Variants in BMX observed in about 807,000 individuals in gnomAD.
The protein encoded by BMX is cytoplasmic tyrosine-protein kinase BMX.
BMX carries 31 observed loss-of-function variants against 59.2 expected under a neutral mutation model. The observed-to-expected ratio is 0.52, with a 90% CI of 0.39 to 0.71. The LOEUF (loss-of-function observed/expected upper bound fraction) is 0.71. Among genes scored for constraint, BMX ranks in the 30% least tolerant of loss-of-function variants. The pLI, the probability that BMX is intolerant of heterozygous loss-of-function variation, is 0.00. For missense variants in BMX, 474 were observed against 491.7 expected, an observed-to-expected ratio of 0.96 and a Z score of 0.34; for synonymous variants, 185 against 181.0, an observed-to-expected ratio of 1.02 and a Z score of -0.18.
At chrX:15,531,583 C>T (rs1228329299) in intron 11 of BMX, among the ~76,000 whole-genome samples, 176 bp downstream of exon 11, 1 of 111,456 alleles carries the variant, frequency 9.0e-6, no homozygotes, top group African/African-American at 3.3e-5. Context: ...CCCACTGCCC[C>T]ACCATCCTTG....
intron 15 of BMX, among the ~76,000 whole-genome samples, chrX:15,542,714 G>A (rs1925753794): frequency 8.9e-6 from 1 of 111,999 alleles, no homozygotes; most frequent in Non-Finnish European, 1.9e-5. Flanking sequence ...TGTTCCCTAA[G>A]TCACAGGTGC....
intron 1 of BMX, among the ~76,000 whole-genome samples, chrX:15,504,413 T>A (rs1355162578): frequency 9.0e-6 from 1 of 111,602 alleles, no homozygotes; most frequent in Admixed American, 9.6e-5. Flanking sequence ...TGTAACCTCC[T>A]CCATGCCTTC....
At chrX:15,541,765 G>C (rs909594488) in intron 14 of BMX, among the ~76,000 whole-genome samples, 2 of 111,205 alleles carry the variant, frequency 1.8e-5, no homozygotes, top group African/African-American at 6.5e-5. Context: ...TGCTGCTGAA[G>C]TCACCAATGT....
intron 11 of BMX, among the ~76,000 whole-genome samples, chrX:15,533,165 T>G (rs771354078): frequency 2.7e-4 from 30 of 112,375 alleles, no homozygotes; most frequent in African/African-American, 9.7e-4. Flanking sequence ...TTTTACTCGG[T>G]TGATGTTACA....
At chrX:15,509,215 C>T in intron 2 of BMX, 114 bp from the exon 3 acceptor site, 3 of 110,492 alleles carry the variant, frequency 2.7e-5, no homozygotes, top group Non-Finnish European at 4.0e-5. Flanking sequence ...AGTGACTCTC[C>T]ATTGCCCACC....
intron 4 of BMX, among the ~76,000 whole-genome samples, chrX:15,512,251 G>A (rs977915320): frequency 8.9e-6 from 1 of 111,931 alleles, no homozygotes; most frequent in African/African-American, 3.2e-5. Context: ...ATTTCCCTCT[G>A]TGATATTTTC....
rs781394634 is a variant in BMX, at chrX:15,508,506, G to A, written c.138+15G>A. ...ATGACAAAATGGTGAGACATCATGT[G>A]TTCCATTATTTTTATACTATTTATT... On this transcript the variant is annotated intron_variant, in intron 2 of 18. Coordinates refer to ENST00000348343, the MANE Select transcript of BMX (RefSeq NM_203281.3). The A allele has an allele frequency of 8.8e-7, 1 of 1,139,285 alleles. No homozygotes were observed. Among genetic ancestry groups the A allele is most frequent in the East Asian group, 3.1e-5 (1 of 32,013 alleles). 93.9% of individuals were successfully genotyped at this position (1,139,285 alleles called of 1,213,427 possible).
intron 4 of BMX, among the ~76,000 whole-genome samples, chrX:15,512,896 T>A: frequency 9.0e-6 from 1 of 111,707 alleles, no homozygotes; most frequent in Non-Finnish European, 1.9e-5. Context: ...GTACAGCTCT[T>A]GGTCATGCCC....
chrX:15,524,212 C>A lies in BMX; in HGVS notation c.753-1076C>A, dbSNP rs192471926. Among the ~76,000 whole-genome samples the A allele has an allele frequency of 4.5e-5, 5 of 112,169 alleles. No homozygotes were observed. The Admixed American group carries it at 4.7e-4, about 11-fold the overall frequency. On this transcript the variant is annotated intron_variant, in intron 7 of 18. Coordinates refer to ENST00000348343, the MANE Select transcript of BMX (RefSeq NM_203281.3). ...CTATGCACATGTGGCCATGTGCATA[C>A]AAAAGCAAGTAAGTTCTCACGATAC...
intron 8 of BMX, among the ~76,000 whole-genome samples, chrX:15,525,691 AT>A (rs1336123516): frequency 1.8e-5 from 2 of 110,631 alleles, no homozygotes; most frequent in Non-Finnish European, 3.8e-5. Flanking sequence ...ACACAACCCA[AT>A]TTTTTTTTAA....
chrX:15,527,247 AATATATATATATATATAT>A (rs34046926), intron 9 of BMX, among the ~76,000 whole-genome samples: 917 of 56,273 alleles, frequency 0.016, 13 homozygotes, highest in East Asian at 0.03. Context: ...CACACACACA[AATATATATATATATATAT>A]ATATATATAT....
chrX:15,501,591 C>A lies in BMX; in HGVS notation c.-10+651C>A, dbSNP rs1048693266. Among the ~76,000 whole-genome samples the A allele has an allele frequency of 2.7e-5, 3 of 111,707 alleles. No individual in the cohort carries two copies. In the East Asian group the frequency reaches 8.4e-4, roughly 31 times the overall value. On this transcript the variant is annotated intron_variant, in intron 1 of 18. Transcript: ENST00000348343. Reference sequence around the variant, plus strand: ...GTGGTCCATGTAAGTGCTTCTCAAGCTTTCCTGTGCACGTGGATCACCTGG... The same window carrying A: ...GTGGTCCATGTAAGTGCTTCTCAAGATTTCCTGTGCACGTGGATCACCTGG...
intron 11 of BMX, 84 bp from the exon 12 acceptor site, chrX:15,534,128 A>G: frequency 2.1e-6 from 2 of 939,992 alleles, no homozygotes; most frequent in Non-Finnish European, 2.8e-6. Context: ...AAATTTGCAA[A>G]TGCACCTAAA....
At chrX:15,545,116 A>C (rs962952897) in intron 16 of BMX, among the ~76,000 whole-genome samples, 2 of 112,045 alleles carry the variant, frequency 1.8e-5, no homozygotes, top group Non-Finnish European at 3.8e-5. Context: ...TGTAGAAAGT[A>C]AAAAGTAGAA....
intron 3 of BMX, among the ~76,000 whole-genome samples, chrX:15,509,672 G>A (rs939441511): frequency 3.6e-5 from 4 of 111,159 alleles, no homozygotes; most frequent in African/African-American, 1.3e-4. Flanking sequence ...CCTGCCTCAG[G>A]TCTGATCATC....
At chrX:15,554,529 CT>C (rs1434566169) in intron 18 of BMX, among the ~76,000 whole-genome samples, 1 of 108,001 alleles carries the variant, frequency 9.3e-6, no homozygotes, top group African/African-American at 3.4e-5. Flanking sequence ...GTTTTTTTTT[CT>C]TTTTTTGACC....
Position 15,500,940 on chromosome X carries a change from G to A in BMX, c.-10G>A, listed in dbSNP as rs1602317191. 2 of 752,749 alleles carry A rather than the reference G, an allele frequency of 2.7e-6. No individual in the cohort carries two copies. Among genetic ancestry groups the A allele is most frequent in the African/African-American group, 4.6e-5 (2 of 43,209 alleles). The allele number at this position is 752,749 out of a possible 1,213,427, so 62.0% of individuals were successfully genotyped here. On this transcript the variant is annotated splice_region_variant and 5_prime_UTR_variant, in exon 1 of 19. Coordinates refer to ENST00000348343, the MANE Select transcript of BMX (RefSeq NM_203281.3). The stretch of plus-strand genomic sequence containing the variant: ...AGGCAAGCACGGAACAAGCTGAGAC[G>A]GTGCGTTTAAGCGGCAGGTGGCTAC...
chrX:15,554,718 G>T (rs1926347417), intron 18 of BMX, among the ~76,000 whole-genome samples: 1 of 111,344 alleles, frequency 9.0e-6, no homozygotes, highest in African/African-American at 3.3e-5. Context: ...GTTTGTGTTT[G>T]TTATGGTATA....
chrX:15,538,598 A>G (rs1180382809), intron 14 of BMX, among the ~76,000 whole-genome samples: 1 of 111,870 alleles, frequency 8.9e-6, no homozygotes, highest in Non-Finnish European at 1.9e-5. Context: ...CCCATAAGAA[A>G]CCTATGAGGG....
Sources: gnomAD v4.1 joint callset for allele counts (sites outside exome capture counted in the v4.1 genomes callset) on GRCh38, gnomAD v4.1.1 for gene constraint, MANE v1.5 for transcripts, NCBI Gene and HGNC (gene_info 2026-07-23, HGNC 2026-07-21) for gene names.